Variants in PDGFD observed in about 807,000 individuals in gnomAD.
PDGFD encodes the protein platelet-derived growth factor D.
A neutral mutation model predicts 44.7 loss-of-function variants in PDGFD; 30 were observed. That is an observed-to-expected ratio of 0.67 (90% CI 0.50 to 0.91). The LOEUF (loss-of-function observed/expected upper bound fraction) is 0.91, where lower values mean the gene tolerates loss of function less well. Ranked by LOEUF, PDGFD falls within the 40% of genes least tolerant of loss-of-function variation. PDGFD has a pLI of 0.00. For missense variants in PDGFD, 445 were observed against 457.8 expected (o/e 0.97, Z 0.25); for synonymous variants, 173 against 168.4 (o/e 1.03, Z -0.21).
Position 103,947,653 on chromosome 11 carries a change from ATTAC to A in PDGFD, c.573+5_573+8del. The A allele has an allele frequency of 6.2e-7, 1 of 1,610,932 alleles. No homozygotes were observed. Among genetic ancestry groups the A allele is most frequent in the Admixed American group, 1.7e-5 (1 of 59,930 alleles). On this transcript the variant is annotated splice_donor_5th_base_variant and intron_variant, in intron 4 of 6. Coordinates refer to ENST00000393158, the MANE Select transcript of PDGFD (RefSeq NM_025208.5). Reference sequence around the variant, plus strand: ...TCTTTTGCTGGCAACAGAGTAATAAATTACTTACTGAAATAGAGCTTGTGACAGA... The same window carrying A: ...TCTTTTGCTGGCAACAGAGTAATAAATTACTGAAATAGAGCTTGTGACAGA...
rs1004840428 is a variant in PDGFD at position 104,072,498 on chromosome 11, G to A, written c.125-72243C>T. On this transcript the variant is annotated intron_variant, in intron 1 of 6. Coordinates refer to ENST00000393158, the MANE Select transcript of PDGFD (RefSeq NM_025208.5). ...TATCATTGCTTCTGTAAGGTTTTTC[G>A]GGTATACAATCGTATCATCTACATA... Among the ~76,000 whole-genome samples the A allele has an allele frequency of 4.6e-5, 7 of 151,446 alleles. No homozygotes were observed. The South Asian group carries it at 1.2e-3, about 27-fold the overall frequency.
chr11:104,037,508 T>C (rs1183487698), intron 1 of PDGFD: 4 of 1,613,982 alleles, frequency 2.5e-6, no homozygotes, highest in Non-Finnish European at 3.4e-6. Context: ...AACATGAATA[T>C]AGCGATAGAA....
intron 1 of PDGFD, chr11:104,038,901 C>T (rs1180478847): frequency 6.0e-6 from 1 of 167,042 alleles, no homozygotes. Context: ...CTGCTTTATA[C>T]ATTAAGCTGC....
intron 6 of PDGFD, 23 bp from the exon 7 acceptor site, chr11:103,909,842 T>G (rs768414651): frequency 6.2e-7 from 1 of 1,614,014 alleles, no homozygotes; most frequent in Non-Finnish European, 8.5e-7. Flanking sequence ...GCACATCTCC[T>G]GTTAGAAAGC....
At chr11:104,011,666 G>A (rs1859789017) in intron 1 of PDGFD, among the ~76,000 whole-genome samples, 1 of 152,020 alleles carries the variant, frequency 6.6e-6, no homozygotes, top group African/African-American at 2.4e-5. Context: ...ATTATCTTTG[G>A]TAGCATAATA....
chr11:103,964,632 C>T (rs927717709), intron 3 of PDGFD, among the ~76,000 whole-genome samples: 39 of 152,124 alleles, frequency 2.6e-4, no homozygotes, highest in African/African-American at 8.9e-4. Context: ...CCCTTCTAAT[C>T]TCTATCCAAC....
At chr11:104,068,316 G>A (rs111340867) in intron 1 of PDGFD, among the ~76,000 whole-genome samples, 211 of 152,264 alleles carry the variant, frequency 1.4e-3, no homozygotes, top group African/African-American at 4.6e-3. Context: ...TACTGCAGGA[G>A]GAAGCAGGCA....
chr11:104,153,643 A>T (rs1862271643), intron 1 of PDGFD, among the ~76,000 whole-genome samples: 1 of 152,182 alleles, frequency 6.6e-6, no homozygotes, highest in Non-Finnish European at 1.5e-5. Flanking sequence ...GATTAATATG[A>T]TTAAGGAATT....
chr11:103,961,277 T>C (rs972364986), intron 3 of PDGFD, among the ~76,000 whole-genome samples: 1 of 152,184 alleles, frequency 6.6e-6, no homozygotes, highest in African/African-American at 2.4e-5. Context: ...GGCTGTTACA[T>C]AGCAGATGTT....
rs115193252 is a variant in PDGFD at position 104,138,132 on chromosome 11, A to G, written c.124+25672T>C. The stretch of plus-strand genomic sequence containing the variant: ...TATTATAAACAAATGATGTAAATCC[A>G]TAAGTTGTGATAGCTAATGTGCTGT... On this transcript the variant is annotated intron_variant, in intron 1 of 6. Coordinates refer to ENST00000393158, the MANE Select transcript of PDGFD (RefSeq NM_025208.5). Among the ~76,000 whole-genome samples the G allele has an allele frequency of 4.7e-3, 719 of 152,326 alleles. 5 individuals carry two copies. Among genetic ancestry groups the G allele is most frequent in the African/African-American group, 0.012 (484 of 41,582 alleles).
At chr11:103,961,505 C>T (rs532565153) in intron 3 of PDGFD, among the ~76,000 whole-genome samples, 1 of 152,178 alleles carries the variant, frequency 6.6e-6, no homozygotes, top group South Asian at 2.1e-4. Flanking sequence ...AAGGAGAAAG[C>T]ATGCACTAAG....
chr11:104,014,773 G>A (rs1456499350), intron 1 of PDGFD, among the ~76,000 whole-genome samples: 1 of 152,056 alleles, frequency 6.6e-6, no homozygotes, highest in Non-Finnish European at 1.5e-5. Flanking sequence ...ACAATATACT[G>A]GCATCTGTCT....
intron 1 of PDGFD, among the ~76,000 whole-genome samples, chr11:104,044,973 G>T (rs1427412191): frequency 1.3e-5 from 2 of 152,116 alleles, no homozygotes; most frequent in Non-Finnish European, 2.9e-5. Flanking sequence ...GGGGGGCGGA[G>T]CTTGCAGTGA....
intron 1 of PDGFD, among the ~76,000 whole-genome samples, chr11:104,154,988 T>C (rs1862288173): frequency 6.6e-6 from 1 of 152,222 alleles, no homozygotes; most frequent in South Asian, 2.1e-4. Flanking sequence ...GTTTGATAGA[T>C]GTGTTTTCTA....
chr11:104,113,464 A>C (rs896293548), intron 1 of PDGFD, among the ~76,000 whole-genome samples: 1 of 152,184 alleles, frequency 6.6e-6, no homozygotes, highest in Non-Finnish European at 1.5e-5. Context: ...TTCAGCACTG[A>C]ATAATATTCC....
intron 3 of PDGFD, among the ~76,000 whole-genome samples, chr11:103,995,472 T>C (rs191401349): frequency 6.6e-6 from 1 of 152,246 alleles, no homozygotes; most frequent in Admixed American, 6.5e-5. Flanking sequence ...GCTGCTGAGG[T>C]GTTTAAGTAG....
chr11:103,979,120 T>G (rs1211350584), intron 3 of PDGFD, among the ~76,000 whole-genome samples: 1 of 152,066 alleles, frequency 6.6e-6, no homozygotes, highest in Non-Finnish European at 1.5e-5. Flanking sequence ...CATTGGTCAT[T>G]TTCCTGGAAT....
intron 2 of PDGFD, among the ~76,000 whole-genome samples, chr11:103,998,180 G>C (rs774174251): frequency 6.6e-6 from 1 of 152,190 alleles, no homozygotes; most frequent in East Asian, 1.9e-4. Flanking sequence ...GCTGGGGTTA[G>C]AGGAGCATCT....
At chr11:103,984,438 T>C (rs958597607) in intron 3 of PDGFD, among the ~76,000 whole-genome samples, 1 of 151,410 alleles carries the variant, frequency 6.6e-6, no homozygotes, top group African/African-American at 2.4e-5. Flanking sequence ...AGGGAGAGGA[T>C]AAGGAAAAAT....
Sources: allele counts gnomAD v4.1 joint callset (sites outside exome capture counted in the v4.1 genomes callset), GRCh38; gene constraint gnomAD v4.1.1; transcripts MANE v1.5; gene names NCBI Gene and HGNC (gene_info 2026-07-23, HGNC 2026-07-21).